The following TMEM144 variants were observed in gnomAD, a reference collection of about 807,000 sequenced individuals.
TMEM144 encodes the protein transmembrane protein 144.
Under a neutral mutation model 43.6 loss-of-function variants are expected in TMEM144, and 39 were observed. The ratio of observed to expected loss-of-function variants is 0.90; its 90% CI spans 0.69 to 1.17. The LOEUF is 1.17. Ranked by LOEUF, TMEM144 falls within the 50% of genes most tolerant of loss-of-function variation. The pLI, the probability that TMEM144 is intolerant of heterozygous loss-of-function variation, is 0.00. For synonymous variants in TMEM144, 154 were observed against 133.6 expected (o/e 1.15, Z -1.06); for missense variants, 417 against 411.9 (o/e 1.01, Z -0.11).
intron 8 of TMEM144, 143 bp from the exon 9 acceptor site, chr4:158,237,382 C>T (rs991099107): frequency 3.7e-5 from 24 of 647,656 alleles, no homozygotes; most frequent in East Asian, 1.6e-4. Flanking sequence ...CTGTGACTTC[C>T]GCCAGTCACA....
intron 5 of TMEM144, among the ~76,000 whole-genome samples, 155 bp from the exon 6 acceptor site, chr4:158,219,155 G>A (rs2111107455): frequency 6.6e-6 from 1 of 152,166 alleles, no homozygotes; most frequent in South Asian, 2.1e-4. Flanking sequence ...GGAAATTGAG[G>A]CACAGTGAAG....
chr4:158,253,394 G>A lies in TMEM144; in HGVS notation c.955-50G>A, dbSNP rs762350958. ...AATCTTGAGAGTCTGTCCATTTTGT[G>A]TAATTGATTCAGGCCTTATTCATCA... is the stretch of plus-strand genomic sequence containing the variant. On this transcript the variant is annotated intron_variant, in intron 12 of 12. Coordinates refer to ENST00000296529, the MANE Select transcript of TMEM144 (RefSeq NM_018342.5). The A allele has an allele frequency of 5.5e-6, 8 of 1,459,968 alleles. No homozygotes were observed. The Admixed American group carries it at 1.4e-4, about 25-fold the overall frequency. 90.4% of individuals were successfully genotyped at this position (1,459,968 alleles called of 1,614,324 possible).
At chr4:158,248,035 T>G (rs1579155519) in intron 12 of TMEM144, among the ~76,000 whole-genome samples, 1 of 70,840 alleles carries the variant, frequency 1.4e-5, no homozygotes, top group African/African-American at 5.0e-5. Flanking sequence ...AGAAAATGAC[T>G]GTTTGCTCTT....
intron 6 of TMEM144, among the ~76,000 whole-genome samples, chr4:158,220,388 G>GT (rs1431527020): frequency 6.6e-6 from 1 of 152,146 alleles, no homozygotes; most frequent in East Asian, 1.9e-4. Context: ...CACCAAAATT[G>GT]TAACATAGGA....
At chr4:158,230,670 C>T (rs1020860657) in intron 6 of TMEM144, among the ~76,000 whole-genome samples, 25 of 151,438 alleles carry the variant, frequency 1.7e-4, no homozygotes, top group Non-Finnish European at 2.9e-4. Context: ...ATAAAACACA[C>T]ATATATGTAA....
rs1734393584 is a variant in TMEM144, at chr4:158,219,315, G to T, written c.338G>T (p.Gly113Val). ...GTGACTTTCTGGATTTTCAGGTTTG[G>T]CTGGTTTGGATTGGATGCAGAAGAA... is the stretch of plus-strand genomic sequence containing the variant. Reference protein sequence around the residue: ...ALTGWASSRFGWFGLDAEEVS... With the variant: ...ALTGWASSRFVWFGLDAEEVS... The change falls in exon 6 of 13, where the codon GGC becomes GTC. Residue 113 changes from glycine (G) to valine (V), a missense_variant. Physicochemically the swap from Gly to Val is moderately radical, Grantham distance 109. Coordinates refer to ENST00000296529, the MANE Select transcript of TMEM144 (RefSeq NM_018342.5). 3 of 1,613,608 alleles carry T rather than the reference G, an allele frequency of 1.9e-6. No homozygotes were observed. The highest frequency in any genetic ancestry group is 2.5e-6 in the Non-Finnish European group (3 of 1,179,766).
intron 12 of TMEM144, among the ~76,000 whole-genome samples, chr4:158,247,852 CCA>C (rs1222112479): frequency 6.6e-6 from 1 of 150,826 alleles, no homozygotes; most frequent in African/African-American, 2.4e-5. Context: ...CTGTAAAATC[CCA>C]GTGAAGCTCT....
Position 158,217,397 on chromosome 4 carries a change from CT to C in TMEM144, c.311del (p.Leu104Ter). Reference sequence around the variant, plus strand: ...TCTTAATCTGGGGATCATTTAATGCCTTAACTGGCTGGGCAAGCTCAAGGTA... The same window carrying C: ...TCTTAATCTGGGGATCATTTAATGCCTAACTGGCTGGGCAAGCTCAAGGTA... ...GILIWGSFNA[L>X]TGWASSRFGW... On this transcript the variant is annotated frameshift_variant, in exon 5 of 13. Transcript: ENST00000296529. LOFTEE classifies it high-confidence loss of function. The C allele has an allele frequency of 6.2e-7, 1 of 1,612,850 alleles. No individual in the cohort carries two copies. The highest frequency in any genetic ancestry group is 8.5e-7 in the Non-Finnish European group (1 of 1,179,250).
intron 12 of TMEM144, among the ~76,000 whole-genome samples, chr4:158,247,682 T>C (rs530214361): frequency 6.6e-6 from 1 of 152,208 alleles, no homozygotes; most frequent in Admixed American, 6.5e-5. Flanking sequence ...AATTAACAAG[T>C]AATGTGCCAG....
At chr4:158,250,324 C>T (rs1042923506) in intron 12 of TMEM144, among the ~76,000 whole-genome samples, 8 of 151,664 alleles carry the variant, frequency 5.3e-5, no homozygotes, top group Non-Finnish European at 8.8e-5. Context: ...GACTTTGTTT[C>T]TGTTCTGTTC....
At chr4:158,235,983 A>T (rs954259284) in intron 8 of TMEM144, among the ~76,000 whole-genome samples, 1 of 151,980 alleles carries the variant, frequency 6.6e-6, no homozygotes, top group Non-Finnish European at 1.5e-5. Flanking sequence ...TGTGGGTCCT[A>T]CTCCCTCTAT....
In TMEM144 at chr4:158,255,252, C is replaced by A. The variant is rs979013368; in HGVS notation, c.*1725C>A. ...TAACCTGAAATGTCATTAAATTATG[C>A]TGATAAACTTTGAATAAATTGTGAT... On this transcript the variant is annotated 3_prime_UTR_variant, in exon 13 of 13. Transcript: ENST00000296529. 6.6e-6 allele frequency: 1 copy of A among 151,830 alleles called. No individual in the cohort carries two copies. The highest frequency in any genetic ancestry group is 6.6e-5 in the Admixed American group (1 of 15,220). The allele number at this position is 151,830 out of a possible 1,614,324, so 9.4% of individuals were successfully genotyped here. A position where few individuals can be genotyped will look rare whatever the true frequency, so the allele number is the denominator to read the frequency against.
intron 6 of TMEM144, 34 bp downstream of exon 6, chr4:158,219,424 T>C (rs764704076): frequency 1.9e-6 from 3 of 1,592,028 alleles, no homozygotes; most frequent in Non-Finnish European, 2.6e-6. Context: ...TTGCTGTTCT[T>C]CAAAACATGG....
intron 12 of TMEM144, among the ~76,000 whole-genome samples, chr4:158,251,489 A>G (rs1459325340): frequency 1.3e-5 from 2 of 152,246 alleles, no homozygotes; most frequent in East Asian, 3.8e-4. Context: ...CAGCAGTTTC[A>G]CATGACTAGC....
At chr4:158,226,632 G>GTTTTGT (rs1179638518) in intron 6 of TMEM144, among the ~76,000 whole-genome samples, 1 of 151,856 alleles carries the variant, frequency 6.6e-6, no homozygotes, top group Non-Finnish European at 1.5e-5. Flanking sequence ...AAACTGTTTT[G>GTTTTGT]TTTTGTTTTT....
At position 158,232,888 on chromosome 4, in the gene TMEM144, A is replaced by C. The variant is rs1560830875; in HGVS notation, c.414-13A>C. 1.9e-6 allele frequency: 3 copies of C among 1,588,406 alleles called. No homozygotes were observed. Among genetic ancestry groups the C allele is most frequent in the Non-Finnish European group, 1.7e-6 (2 of 1,163,766 alleles). ...ATTATGATAAATATCACTAAAATTTATTTTCCTTACAGTGCTTTCATATTT... is the reference window on the plus strand; with the variant it reads ...ATTATGATAAATATCACTAAAATTTCTTTTCCTTACAGTGCTTTCATATTT... On this transcript the variant is annotated splice_polypyrimidine_tract_variant and intron_variant, in intron 6 of 12. Coordinates refer to ENST00000296529, the MANE Select transcript of TMEM144 (RefSeq NM_018342.5).
intron 7 of TMEM144, chr4:158,234,096 A>T (rs907389780): frequency 3.9e-5 from 6 of 152,262 alleles, no homozygotes; most frequent in African/African-American, 1.4e-4. Flanking sequence ...AGCATGATTG[A>T]TGGGTACAGA....
intron 10 of TMEM144, among the ~76,000 whole-genome samples, chr4:158,240,945 A>C (rs1487167195): frequency 6.6e-6 from 1 of 152,220 alleles, no homozygotes; most frequent in Non-Finnish European, 1.5e-5. Flanking sequence ...TTCAATTTGG[A>C]ATGTAGGTCC....
chr4:158,235,477 A>G lies in TMEM144; in HGVS notation c.535A>G (p.Lys179Glu). Reference sequence around the variant, plus strand: ...CCAAGACCCCTGTTCCTGGGTGGATAAACTTTCTACAGTACACCACCGCAT... The same window carrying G: ...CCAAGACCCCTGTTCCTGGGTGGATGAACTTTCTACAGTACACCACCGCAT... ...TTQDPCSWVD[K>E]LSTVHHRIVG... is the part of the protein sequence containing the mutation. The change falls in exon 8 of 13, where the codon AAA becomes GAA. Residue 179 changes from lysine to glutamate, a missense_variant. Coordinates refer to ENST00000296529, the MANE Select transcript of TMEM144 (RefSeq NM_018342.5). 4 of 1,613,994 alleles carry G rather than the reference A, an allele frequency of 2.5e-6. No homozygotes were observed. Among genetic ancestry groups the G allele is most frequent in the Non-Finnish European group, 3.4e-6 (4 of 1,179,916 alleles).
Sources: gnomAD v4.1 joint callset for allele counts (sites outside exome capture counted in the v4.1 genomes callset) on GRCh38, gnomAD v4.1.1 for gene constraint, MANE v1.5 for transcripts, NCBI Gene and HGNC (gene_info 2026-07-23, HGNC 2026-07-21) for gene names.